Variants in ERC2 observed in about 807,000 individuals in gnomAD.
ERC2 encodes ELKS/RAB6-interacting/CAST family member 2.
ERC2 carries 42 observed loss-of-function variants against 114.8 expected under a neutral mutation model. The observed-to-expected ratio is 0.37, with a 90% CI of 0.29 to 0.47. The LOEUF is 0.47. Among genes scored for constraint, ERC2 ranks in the 20% least tolerant of loss-of-function variants. The probability of loss-of-function intolerance (pLI) is 0.99; values close to 1 mark genes in which losing one functional copy is unlikely to be tolerated. For missense variants in ERC2, 939 were observed against 1,150.7 expected, an observed-to-expected ratio of 0.82 and a Z score of 2.66; for synonymous variants, 454 against 425.5, an observed-to-expected ratio of 1.07 and a Z score of -0.82.
intron 6 of ERC2, among the ~76,000 whole-genome samples, chr3:56,122,119 A>G (rs1010213282): frequency 2.6e-5 from 4 of 152,248 alleles, no homozygotes; most frequent in Non-Finnish European, 5.9e-5. Context: ...CAACCTGTTT[A>G]TCTATAGGGG....
At chr3:55,919,868 G>A (rs2065315451) in intron 13 of ERC2, among the ~76,000 whole-genome samples, 1 of 152,138 alleles carries the variant, frequency 6.6e-6, no homozygotes, top group Non-Finnish European at 1.5e-5. Flanking sequence ...AGGTGGAAGG[G>A]CCTCCTGTGC....
At chr3:56,193,662 C>T (rs1051951706) in intron 3 of ERC2, among the ~76,000 whole-genome samples, 1 of 151,984 alleles carries the variant, frequency 6.6e-6, no homozygotes, top group Non-Finnish European at 1.5e-5. Flanking sequence ...TTTTAACTTC[C>T]AATGCATGAG....
At chr3:56,249,485 C>G (rs1349122362) in intron 3 of ERC2, among the ~76,000 whole-genome samples, 1 of 152,024 alleles carries the variant, frequency 6.6e-6, no homozygotes, top group Non-Finnish European at 1.5e-5. Context: ...GCCACCACGC[C>G]CAGCTAATTT....
intron 2 of ERC2, among the ~76,000 whole-genome samples, chr3:56,319,672 T>C (rs2057035645): frequency 6.6e-6 from 1 of 151,976 alleles, no homozygotes; most frequent in Admixed American, 6.6e-5. Context: ...AGGCAATACC[T>C]GACAAAAACA....
At chr3:56,385,756 C>A (rs1211174597) in intron 2 of ERC2, among the ~76,000 whole-genome samples, 1 of 152,084 alleles carries the variant, frequency 6.6e-6, no homozygotes, top group East Asian at 1.9e-4. Context: ...CATACATATT[C>A]TTTTTAAATG....
chr3:55,549,929 CAAGAGAGAGA>C (rs1219523363), intron 17 of ERC2, among the ~76,000 whole-genome samples: 1 of 68,706 alleles, frequency 1.5e-5, no homozygotes, highest in African/African-American at 4.3e-5. Context: ...CCGACACACA[CAAGAGAGAGA>C]GAGAGAGAGA....
intron 17 of ERC2, among the ~76,000 whole-genome samples, chr3:55,647,911 G>A (rs1280816334): frequency 6.6e-6 from 1 of 152,230 alleles, no homozygotes; most frequent in African/African-American, 2.4e-5. Context: ...GAGAGTGTGC[G>A]TTGGCGGGTG....
intron 13 of ERC2, among the ~76,000 whole-genome samples, chr3:55,940,052 T>C (rs776257810): frequency 1.2e-4 from 18 of 152,202 alleles, no homozygotes; most frequent in Non-Finnish European, 2.1e-4. Flanking sequence ...AGGTATTCTA[T>C]ATTACCAGGA....
intron 14 of ERC2, among the ~76,000 whole-genome samples, chr3:55,788,598 G>T (rs912175431): frequency 6.6e-6 from 1 of 152,152 alleles, no homozygotes; most frequent in Admixed American, 6.6e-5. Flanking sequence ...CTAGGAGAGG[G>T]TCCCTTTGGG....
At chr3:55,514,317 A>C (rs2052331756) in intron 17 of ERC2, among the ~76,000 whole-genome samples, 1 of 152,130 alleles carries the variant, frequency 6.6e-6, no homozygotes, top group African/African-American at 2.4e-5. Flanking sequence ...GGATCAACTG[A>C]ACTGGGGAGG....
chr3:55,907,518 A>T (rs1357124885), intron 13 of ERC2, among the ~76,000 whole-genome samples: 1 of 152,226 alleles, frequency 6.6e-6, no homozygotes, highest in African/African-American at 2.4e-5. Context: ...GGAGAAAATG[A>T]ATCAGAGGTC....
chr3:55,711,408 A>G (rs2063770921), intron 15 of ERC2, among the ~76,000 whole-genome samples: 1 of 152,198 alleles, frequency 6.6e-6, no homozygotes, highest in African/African-American at 2.4e-5. Context: ...CTTTCTAAAA[A>G]ATTTTGTGCT....
intron 17 of ERC2, among the ~76,000 whole-genome samples, chr3:55,666,632 G>A (rs2061366020): frequency 1.3e-5 from 2 of 152,154 alleles, no homozygotes; most frequent in Non-Finnish European, 1.5e-5. Flanking sequence ...GTTACAACTA[G>A]GGGCTGGGGG....
chr3:55,603,882 A>C (rs1331327183), intron 17 of ERC2, among the ~76,000 whole-genome samples: 2 of 152,152 alleles, frequency 1.3e-5, no homozygotes, highest in Non-Finnish European at 2.9e-5. Context: ...AATCCAATGA[A>C]TATGGTCACC....
intron 17 of ERC2, among the ~76,000 whole-genome samples, chr3:55,517,665 C>G (rs1035360999): frequency 6.6e-6 from 1 of 152,144 alleles, no homozygotes; most frequent in Non-Finnish European, 1.5e-5. Flanking sequence ...AGATGGTTCC[C>G]AGCGCCCAGC....
chr3:55,946,864 G>C (rs2067156254), intron 13 of ERC2, among the ~76,000 whole-genome samples: 1 of 152,114 alleles, frequency 6.6e-6, no homozygotes, highest in African/African-American at 2.4e-5. Flanking sequence ...AATAATTCAA[G>C]GTATCTTCAA....
Position 56,377,694 on chromosome 3 carries a change from G to C in ERC2, c.657+56657C>G, listed in dbSNP as rs2059595788. Among the ~76,000 whole-genome samples, 4 of 152,250 alleles carry C rather than the reference G, an allele frequency of 2.6e-5. No individual in the cohort carries two copies. The South Asian group carries it at 8.3e-4, about 32-fold the overall frequency. Reference sequence around the variant, plus strand: ...ATAACCATGTGAGATTCTTTGGATTGTGCGGTAGCACAGCTCTCACCAAAC... The same window carrying C: ...ATAACCATGTGAGATTCTTTGGATTCTGCGGTAGCACAGCTCTCACCAAAC... On this transcript the variant is annotated intron_variant, in intron 2 of 17. Coordinates refer to ENST00000288221, the MANE Select transcript of ERC2 (RefSeq NM_015576.3).
intron 1 of ERC2, among the ~76,000 whole-genome samples, chr3:56,467,827 TTGC>T (rs908782880): frequency 6.6e-6 from 1 of 151,012 alleles, no homozygotes; most frequent in African/African-American, 2.4e-5. Context: ...CTGCTTAGGA[TTGC>T]TCAAGACCCC....
At chr3:55,739,732 T>G (rs1282534063) in intron 14 of ERC2, among the ~76,000 whole-genome samples, 2 of 152,212 alleles carry the variant, frequency 1.3e-5, no homozygotes, top group African/African-American at 4.8e-5. Flanking sequence ...CGATAGTTTC[T>G]TTTGCTGTGC....
Sources: allele counts gnomAD v4.1 joint callset (sites outside exome capture counted in the v4.1 genomes callset), GRCh38; gene constraint gnomAD v4.1.1; transcripts MANE v1.5; gene names NCBI Gene and HGNC (gene_info 2026-07-23, HGNC 2026-07-21).